Variants in SPATA17 observed in about 807,000 individuals in gnomAD.
SPATA17 encodes the protein spermatogenesis associated 17.
SPATA17 carries 53 observed loss-of-function variants against 62.2 expected under a neutral mutation model. The ratio of observed to expected loss-of-function variants is 0.85; its 90% CI spans 0.68 to 1.07. The LOEUF is 1.07. SPATA17 is among the 50% of genes least tolerant of loss of function. The pLI is 0.00. For missense variants in SPATA17, 466 were observed against 425.5 expected (o/e 1.10, Z -0.84); for synonymous variants, 146 against 146.8 (o/e 0.99, Z 0.04).
intron 1 of SPATA17, among the ~76,000 whole-genome samples, chr1:217,637,156 C>A (rs187405849): frequency 1.3e-5 from 2 of 152,262 alleles, no homozygotes; most frequent in East Asian, 3.9e-4. Context: ...TATTGAATAT[C>A]TACTACATGC....
At chr1:217,742,746 G>A (rs948219407) in intron 6 of SPATA17, among the ~76,000 whole-genome samples, 2 of 152,104 alleles carry the variant, frequency 1.3e-5, no homozygotes, top group African/African-American at 4.8e-5. Flanking sequence ...TTTGGGGAGT[G>A]AGATATGTTT....
intron 9 of SPATA17, among the ~76,000 whole-genome samples, chr1:217,822,300 T>C (rs1674883352): frequency 6.6e-6 from 1 of 152,054 alleles, no homozygotes. Context: ...CTTACATTGT[T>C]TTGATAACAA....
chr1:217,756,362 G>A (rs184888118), intron 6 of SPATA17, among the ~76,000 whole-genome samples: 74 of 151,902 alleles, frequency 4.9e-4, no homozygotes, highest in Non-Finnish European at 8.5e-4. Flanking sequence ...CCAAGAAAAG[G>A]CAAAGGGGAA....
In SPATA17 at chr1:217,631,362, C is replaced by A. The variant is rs912955683; in HGVS notation, c.-17C>A. ...GACCGGTAGTAACACCAGTTGTAAA[C>A]CCAAGGCCAAGAGACCATGGCCACG... On this transcript the variant is annotated 5_prime_UTR_variant, in exon 1 of 11. Transcript: ENST00000366933. The A allele has an allele frequency of 7.4e-6, 12 of 1,613,920 alleles. No homozygotes were observed. Among genetic ancestry groups the A allele is most frequent in the African/African-American group, 5.3e-5 (4 of 74,896 alleles).
At position 217,669,177 on chromosome 1, in the gene SPATA17, G is replaced by T. The variant is rs1670779515; in HGVS notation, c.291+94G>T. 4.9e-6 allele frequency: 5 copies of T among 1,026,310 alleles called. No individual in the cohort carries two copies. In the South Asian group the frequency reaches 7.0e-5, roughly 14 times the overall value. 63.6% of individuals were successfully genotyped at this position (1,026,310 alleles called of 1,614,324 possible). On this transcript the variant is annotated intron_variant, in intron 4 of 10. Coordinates refer to ENST00000366933, the MANE Select transcript of SPATA17 (RefSeq NM_138796.4). ...GAGCAAAGCAGAATAATGCAAATTT[G>T]ATTGATATGCTAATGGTAAAGAGAG...
chr1:217,736,730 A>T (rs1672516854), intron 5 of SPATA17, among the ~76,000 whole-genome samples: 1 of 152,242 alleles, frequency 6.6e-6, no homozygotes, highest in South Asian at 2.1e-4. Context: ...TATTGTGCCA[A>T]ATAGCTTCTA....
intron 3 of SPATA17, among the ~76,000 whole-genome samples, chr1:217,663,120 T>C (rs1350126060): frequency 2.0e-5 from 3 of 152,170 alleles, no homozygotes; most frequent in African/African-American, 7.2e-5. Context: ...GGCTTTTAAT[T>C]CTTTTTTATG....
At chr1:217,684,746 A>C (rs1671177208) in intron 5 of SPATA17, among the ~76,000 whole-genome samples, 1 of 152,178 alleles carries the variant, frequency 6.6e-6, no homozygotes. Context: ...TCTTTGAACT[A>C]AAGAGAACAA....
At chr1:217,730,216 G>C (rs1672372431) in intron 5 of SPATA17, among the ~76,000 whole-genome samples, 2 of 151,210 alleles carry the variant, frequency 1.3e-5, no homozygotes, top group Admixed American at 1.3e-4. Flanking sequence ...CTTCAGTAAA[G>C]TGATTTTTTT....
chr1:217,804,320 A>C (rs998825171), intron 9 of SPATA17, among the ~76,000 whole-genome samples: 3 of 152,324 alleles, frequency 2.0e-5, no homozygotes, highest in Non-Finnish European at 4.4e-5. Flanking sequence ...TGGTCTCTTC[A>C]ACAAATAGTG....
intron 6 of SPATA17, among the ~76,000 whole-genome samples, chr1:217,763,235 T>C (rs924079742): frequency 2.0e-5 from 3 of 152,098 alleles, no homozygotes; most frequent in African/African-American, 4.8e-5. Context: ...CAATTAGTTA[T>C]AAGTGCCATG....
intron 1 of SPATA17, among the ~76,000 whole-genome samples, chr1:217,644,133 A>G (rs145843670): frequency 1.4e-3 from 215 of 152,314 alleles, no homozygotes; most frequent in African/African-American, 4.8e-3. Flanking sequence ...TCGACCAACT[A>G]TGGTAACTTC....
intron 8 of SPATA17, among the ~76,000 whole-genome samples, chr1:217,793,141 A>G (rs1439427887): frequency 1.3e-5 from 2 of 152,128 alleles, no homozygotes; most frequent in Non-Finnish European, 2.9e-5. Flanking sequence ...TTGGTGGTGG[A>G]ATAATCCCTC....
At chr1:217,810,770 A>G (rs994720529) in intron 9 of SPATA17, among the ~76,000 whole-genome samples, 2 of 152,144 alleles carry the variant, frequency 1.3e-5, no homozygotes, top group Non-Finnish European at 2.9e-5. Context: ...GGAAGCAGGC[A>G]TGTCTTACAT....
intron 3 of SPATA17, among the ~76,000 whole-genome samples, chr1:217,664,469 A>G (rs1444447035): frequency 6.6e-6 from 1 of 151,462 alleles, no homozygotes. Flanking sequence ...TGTTTTTTGT[A>G]TTTTTAGTAG....
intron 9 of SPATA17, among the ~76,000 whole-genome samples, chr1:217,824,424 A>G (rs777266729): frequency 6.6e-6 from 1 of 151,680 alleles, no homozygotes; most frequent in Non-Finnish European, 1.5e-5. Flanking sequence ...TAATTGTACA[A>G]TAAATTCTCC....
At chr1:217,669,376 A>G (rs1189712646) in intron 4 of SPATA17, among the ~76,000 whole-genome samples, 1 of 152,216 alleles carries the variant, frequency 6.6e-6, no homozygotes, top group Non-Finnish European at 1.5e-5. Flanking sequence ...TAGTTTCCAT[A>G]TATCATATAG....
intron 8 of SPATA17, among the ~76,000 whole-genome samples, chr1:217,789,540 G>A (rs2102981241): frequency 6.6e-6 from 1 of 152,296 alleles, no homozygotes; most frequent in Admixed American, 6.5e-5. Context: ...CCAGTGGCCT[G>A]CAGGTAAGAG....
chr1:217,850,913 A>G (rs150525866), intron 9 of SPATA17, among the ~76,000 whole-genome samples: 1 of 152,250 alleles, frequency 6.6e-6, no homozygotes, highest in African/African-American at 2.4e-5. Flanking sequence ...AAGGACTGTG[A>G]GAAAGGTATG....
Sources: gnomAD v4.1 joint callset for allele counts (sites outside exome capture counted in the v4.1 genomes callset) on GRCh38, gnomAD v4.1.1 for gene constraint, MANE v1.5 for transcripts, NCBI Gene and HGNC (gene_info 2026-07-23, HGNC 2026-07-21) for gene names.